The following PDE4D variants were observed in gnomAD, a reference collection of about 807,000 sequenced individuals.
The protein encoded by PDE4D is 3',5'-cyclic-AMP phosphodiesterase 4D.
PDE4D carries 24 observed loss-of-function variants against 87.4 expected under a neutral mutation model. That is an observed-to-expected ratio of 0.27 (90% CI 0.20 to 0.39). PDE4D has a LOEUF of 0.39. Ranked by LOEUF, PDE4D falls within the 10% of genes least tolerant of loss-of-function variation. The probability of loss-of-function intolerance (pLI) is 1.00; values close to 1 mark genes in which losing one functional copy is unlikely to be tolerated. For missense variants in PDE4D, 714 were observed against 1,041.0 expected, an observed-to-expected ratio of 0.69 and a Z score of 4.32; for synonymous variants, 384 against 383.2, an observed-to-expected ratio of 1.00 and a Z score of -0.02.
At chr5:60,303,670 A>G (rs895239555) in intron 1 of PDE4D, among the ~76,000 whole-genome samples, 1 of 152,104 alleles carries the variant, frequency 6.6e-6, no homozygotes, top group Non-Finnish European at 1.5e-5. Flanking sequence ...AGAGACTGTT[A>G]TGATTTCAGT....
intron 1 of PDE4D, among the ~76,000 whole-genome samples, chr5:59,501,779 C>T (rs1043926564): frequency 6.6e-6 from 1 of 152,138 alleles, no homozygotes; most frequent in Admixed American, 6.6e-5. Flanking sequence ...AAGACTGGCA[C>T]AGCAAGAGAA....
chr5:60,205,351 G>T (rs1388575895), intron 1 of PDE4D, among the ~76,000 whole-genome samples: 1 of 152,100 alleles, frequency 6.6e-6, no homozygotes, highest in Non-Finnish European at 1.5e-5. Context: ...TCAGTACATT[G>T]CACTCTGCTT....
chr5:59,551,918 C>T (rs866456473), intron 1 of PDE4D, among the ~76,000 whole-genome samples: 3 of 152,130 alleles, frequency 2.0e-5, no homozygotes, highest in East Asian at 1.9e-4. Flanking sequence ...GAATCTTGTG[C>T]TATTTAAAAA....
At chr5:59,913,576 G>A (rs1423637932) in intron 3 of PDE4D, among the ~76,000 whole-genome samples, 1 of 151,962 alleles carries the variant, frequency 6.6e-6, no homozygotes, top group Non-Finnish European at 1.5e-5. Flanking sequence ...AATAAGTCAG[G>A]TAATTAATTT....
intron 1 of PDE4D, among the ~76,000 whole-genome samples, chr5:59,567,479 A>C (rs1821136570): frequency 1.3e-5 from 2 of 152,228 alleles, no homozygotes. Flanking sequence ...ATAAACTTAA[A>C]TTGTGGAATT....
Position 60,139,278 on chromosome 5 carries a change from T to C in PDE4D, c.42+46279A>G, listed in dbSNP as rs370867670. Among the ~76,000 whole-genome samples the C allele has an allele frequency of 7.6e-4, 116 of 152,208 alleles. 1 individual carries two copies. The highest frequency in any genetic ancestry group is 6.8e-3 in the Middle Eastern group (2 of 294). ...ATTACATGAAGGATTAGTTACAAAA[T>C]GGCAATGCTACACTCATCAGGTTTT... On this transcript the variant is annotated intron_variant, in intron 2 of 16. Transcript: ENST00000502484.
At chr5:59,014,953 C>G (rs1753666700) in intron 6 of PDE4D, among the ~76,000 whole-genome samples, 1 of 152,096 alleles carries the variant, frequency 6.6e-6, no homozygotes, top group South Asian at 2.1e-4. Flanking sequence ...GAATAGAGCC[C>G]TCAGAAATAA....
chr5:59,013,439 AT>A (rs1220105559), intron 6 of PDE4D, among the ~76,000 whole-genome samples: 1 of 152,192 alleles, frequency 6.6e-6, no homozygotes, highest in Non-Finnish European at 1.5e-5. Flanking sequence ...GAAGAATCAA[AT>A]AGATGCAATA....
intron 3 of PDE4D, among the ~76,000 whole-genome samples, chr5:59,187,492 T>C (rs1421860451): frequency 1.3e-5 from 2 of 152,178 alleles, no homozygotes; most frequent in East Asian, 3.8e-4. Flanking sequence ...CTGATAACTG[T>C]TCTATTTCTT....
chr5:59,476,455 A>C (rs1803308073), intron 1 of PDE4D, among the ~76,000 whole-genome samples: 1 of 152,096 alleles, frequency 6.6e-6, no homozygotes. Context: ...TAGCAGGCCT[A>C]GTGAATACCT....
rs192893126 is a variant in PDE4D at position 59,471,028 on chromosome 5, G to T, written c.456-255060C>A. 5.3e-5 allele frequency among the ~76,000 whole-genome samples: 8 copies of T among 152,274 alleles called. No individual in the cohort carries two copies. In the East Asian group the frequency reaches 1.4e-3, roughly 26 times the overall value. ...AGGCTGAGGTGGGAGGATTGCTTAA[G>T]CCCAGCAGTTTGAGACCAGGTTAGG... On this transcript the variant is annotated intron_variant, in intron 1 of 14. Transcript: ENST00000340635.
intron 1 of PDE4D, among the ~76,000 whole-genome samples, chr5:60,368,276 GA>G (rs1462164330): frequency 6.6e-6 from 1 of 152,204 alleles, no homozygotes; most frequent in Non-Finnish European, 1.5e-5. Flanking sequence ...AACAATGTTA[GA>G]AAGGCATTGC....
At chr5:60,114,862 CTATGTGTGTATG>C (rs1777996117) in intron 2 of PDE4D, among the ~76,000 whole-genome samples, 3 of 150,608 alleles carry the variant, frequency 2.0e-5, no homozygotes, top group Non-Finnish European at 4.4e-5. Context: ...ATACATATAA[CTATGTGTGTATG>C]TATGTGTGTG....
intron 1 of PDE4D, among the ~76,000 whole-genome samples, chr5:59,774,673 T>C (rs1763899472): frequency 6.7e-6 from 1 of 149,906 alleles, no homozygotes; most frequent in Non-Finnish European, 1.5e-5. Context: ...ACAATGGCAT[T>C]TTTTTTTTCT....
At chr5:60,143,603 T>G (rs952262685) in intron 2 of PDE4D, among the ~76,000 whole-genome samples, 2 of 117,692 alleles carry the variant, frequency 1.7e-5, no homozygotes, top group African/African-American at 6.6e-5. Context: ...AGCTTGGGAA[T>G]TGTGTGTGTG....
In PDE4D at chr5:59,137,672, G is replaced by A. The variant is rs531882599; in HGVS notation, c.808+42923C>T. ...CTCCCTAGTAGCTGGGACTACAGGCGCCCGCCACCACGCGTGGCTAATTTT... is the reference window on the plus strand; with the variant it reads ...CTCCCTAGTAGCTGGGACTACAGGCACCCGCCACCACGCGTGGCTAATTTT... On this transcript the variant is annotated intron_variant, in intron 5 of 14. Transcript: ENST00000340635. 4.2e-3 allele frequency among the ~76,000 whole-genome samples: 641 copies of A among 152,066 alleles called. 4 individuals carry two copies. Among genetic ancestry groups the A allele is most frequent in the Middle Eastern group, 0.014 (4 of 294 alleles).
Position 59,404,738 on chromosome 5 carries a change from T to C in PDE4D, c.456-188770A>G, listed in dbSNP as rs868810187. Among the ~76,000 whole-genome samples the C allele has an allele frequency of 2.0e-5, 3 of 152,266 alleles. No homozygotes were observed. The South Asian group carries it at 6.2e-4, about 32-fold the overall frequency. On this transcript the variant is annotated intron_variant, in intron 1 of 14. Coordinates refer to ENST00000340635, the MANE Select transcript of PDE4D (RefSeq NM_001104631.2). ...CCCCAATGTTTTCTTTCAATAGTTT[T>C]ATAGTTTGAAGTCTTAGATTTAAGT...
intron 1 of PDE4D, among the ~76,000 whole-genome samples, chr5:59,502,275 G>T (rs1404824287): frequency 6.6e-6 from 1 of 152,126 alleles, no homozygotes; most frequent in Non-Finnish European, 1.5e-5. Context: ...TCCATTAACA[G>T]ATAAGTCTTT....
At chr5:60,446,006 A>C (rs1024176925) in intron 1 of PDE4D, among the ~76,000 whole-genome samples, 1 of 152,304 alleles carries the variant, frequency 6.6e-6, no homozygotes, top group Admixed American at 6.5e-5. Context: ...CAAAAGAAAA[A>C]TAAGTAAGGA....
Sources: allele counts gnomAD v4.1 joint callset (sites outside exome capture counted in the v4.1 genomes callset), GRCh38; gene constraint gnomAD v4.1.1; transcripts MANE v1.5; gene names NCBI Gene and HGNC (gene_info 2026-07-23, HGNC 2026-07-21).